Variants in SLC25A48 observed in about 807,000 individuals in gnomAD.
SLC25A48 encodes solute carrier family 25 member 48, also known as CTC-321K16.1.
Under a neutral mutation model 32.2 loss-of-function variants are expected in SLC25A48, and 29 were observed. That is an observed-to-expected ratio of 0.90 (90% CI 0.67 to 1.23). The LOEUF (loss-of-function observed/expected upper bound fraction) is 1.23, where lower values mean the gene tolerates loss of function less well. Among genes scored for constraint, SLC25A48 ranks in the 50% most tolerant of loss-of-function variants. SLC25A48 has a pLI of 0.00. For synonymous variants in SLC25A48, 164 were observed against 172.3 expected (o/e 0.95, Z 0.38); for missense variants, 399 against 422.7 (o/e 0.94, Z 0.49).
chr5:135,711,186 A>C (rs1442032192), intron 3 of SLC25A48, among the ~76,000 whole-genome samples: 13 of 152,224 alleles, frequency 8.5e-5, no homozygotes, highest in African/African-American at 2.9e-4. Flanking sequence ...CCTCTTCTGC[A>C]TGAAGCCATT....
intron 1 of SLC25A48, among the ~76,000 whole-genome samples, chr5:135,838,126 T>G (rs2126688172): frequency 6.6e-6 from 1 of 152,298 alleles, no homozygotes; most frequent in Middle Eastern, 3.4e-3. Context: ...GGAACTGGAA[T>G]AAAGGTGACT....
chr5:135,610,718 C>T (rs537492770), intron 1 of SLC25A48, among the ~76,000 whole-genome samples: 9 of 152,304 alleles, frequency 5.9e-5, no homozygotes, highest in African/African-American at 2.2e-4. Context: ...AACTTCAGTA[C>T]TTGGAATCCT....
intron 3 of SLC25A48, among the ~76,000 whole-genome samples, chr5:135,787,451 GTTA>G (rs1210253731): frequency 6.6e-6 from 1 of 152,034 alleles, no homozygotes; most frequent in Non-Finnish European, 1.5e-5. Flanking sequence ...TACACCCTGT[GTTA>G]TTATTCGTAA....
At chr5:135,759,108 A>G (rs111362308) in intron 3 of SLC25A48, among the ~76,000 whole-genome samples, 37 of 152,174 alleles carry the variant, frequency 2.4e-4, no homozygotes, top group African/African-American at 8.7e-4. Flanking sequence ...ATATTAATAA[A>G]ATATCACCTA....
At chr5:135,842,326 T>A in intron 1 of SLC25A48, 90 bp from the exon 2 acceptor site, 1 of 1,389,188 alleles carries the variant, frequency 7.2e-7, no homozygotes. Context: ...GACCGTTGAC[T>A]AAACAAGTGC....
chr5:135,714,610 T>C (rs901441631), intron 3 of SLC25A48: 3 of 152,282 alleles, frequency 2.0e-5, no homozygotes, highest in African/African-American at 7.2e-5. Context: ...TTAGGTGCCC[T>C]GGCTGCAAAA....
chr5:135,849,413 C>A (rs879645149), intron 2 of SLC25A48, among the ~76,000 whole-genome samples: 4 of 152,084 alleles, frequency 2.6e-5, no homozygotes, highest in Non-Finnish European at 5.9e-5. Context: ...AGAAGTGGAA[C>A]CCTCTAAGAC....
At chr5:135,757,754 G>A (rs1469718620) in intron 3 of SLC25A48, among the ~76,000 whole-genome samples, 4 of 148,072 alleles carry the variant, frequency 2.7e-5, no homozygotes, top group Admixed American at 1.3e-4. Flanking sequence ...TATTAATAAA[G>A]TATCATCTAG....
At chr5:135,731,589 T>C (rs551208544) in intron 3 of SLC25A48, among the ~76,000 whole-genome samples, 15 of 152,094 alleles carry the variant, frequency 9.9e-5, no homozygotes, top group Admixed American at 5.9e-4. Flanking sequence ...TATTGTGGGG[T>C]TGTTAAAAGG....
chr5:135,839,130 G>A (rs907727737), intron 1 of SLC25A48, among the ~76,000 whole-genome samples: 4 of 152,146 alleles, frequency 2.6e-5, no homozygotes, highest in African/African-American at 4.8e-5. Context: ...TTTCTTCCCT[G>A]ATGGTGACCT....
chr5:135,783,990 A>G lies in SLC25A48; in HGVS notation c.-520-28533A>G, dbSNP rs1756779634. Among the ~76,000 whole-genome samples the G allele has an allele frequency of 5.1e-5, 6 of 118,176 alleles. 3 individuals carry two copies. Among genetic ancestry groups the G allele is most frequent in the Admixed American group, 3.5e-4 (4 of 11,578 alleles). The allele number at this position is 118,176 out of a possible 152,430, so 77.5% of individuals were successfully genotyped here. On this transcript the variant is annotated intron_variant, in intron 3 of 10. Coordinates refer to the SLC25A48 transcript ENST00000646290. ...GGAAAAGGATGATATTGCTCCCAAT[A>G]TCGCAGGACGTGTACACTTATCCTG... is the stretch of plus-strand genomic sequence containing the variant.
intron 1 of SLC25A48, among the ~76,000 whole-genome samples, chr5:135,590,384 G>T (rs1457546243): frequency 1.3e-5 from 2 of 152,142 alleles, no homozygotes; most frequent in Non-Finnish European, 2.9e-5. Context: ...CTGCCCATGG[G>T]CCCCCGGCCC....
intron 2 of SLC25A48, among the ~76,000 whole-genome samples, chr5:135,843,563 G>A (rs1759175467): frequency 6.6e-6 from 1 of 152,188 alleles, no homozygotes; most frequent in Non-Finnish European, 1.5e-5. Flanking sequence ...ATAACACAAG[G>A]TGATGGCAAA....
intron 1 of SLC25A48, among the ~76,000 whole-genome samples, chr5:135,603,358 G>A (rs550718316): frequency 2.8e-4 from 42 of 152,344 alleles, no homozygotes; most frequent in Non-Finnish European, 3.5e-4. Context: ...CTTTCATGAG[G>A]TTGAAGGTAA....
At chr5:135,691,607 G>A (rs1371212013) in intron 3 of SLC25A48, among the ~76,000 whole-genome samples, 1 of 152,186 alleles carries the variant, frequency 6.6e-6, no homozygotes, top group Non-Finnish European at 1.5e-5. Context: ...ACTATAACTA[G>A]AAGAGTCCCA....
At chr5:135,593,804 T>C (rs1751582728) in intron 1 of SLC25A48, among the ~76,000 whole-genome samples, 1 of 152,212 alleles carries the variant, frequency 6.6e-6, no homozygotes. Flanking sequence ...ATTAACAAAC[T>C]GAATGACAGA....
At chr5:135,597,790 G>T (rs752997169) in intron 1 of SLC25A48, among the ~76,000 whole-genome samples, 5 of 152,156 alleles carry the variant, frequency 3.3e-5, no homozygotes, top group Non-Finnish European at 5.9e-5. Context: ...GATCACCTGA[G>T]GTCAGGAATT....
chr5:135,810,782 C>T (rs753309542), intron 3 of SLC25A48, among the ~76,000 whole-genome samples: 69 of 152,332 alleles, frequency 4.5e-4, no homozygotes, highest in Non-Finnish European at 7.8e-4. Context: ...TGAACGCCTT[C>T]GCTTTTTATT....
chr5:135,607,425 C>T (rs775389287), intron 1 of SLC25A48, among the ~76,000 whole-genome samples: 1 of 152,170 alleles, frequency 6.6e-6, no homozygotes, highest in Non-Finnish European at 1.5e-5. Flanking sequence ...TCTTCCTACT[C>T]ATGGAATTTC....
Sources: gnomAD v4.1 joint callset for allele counts (sites outside exome capture counted in the v4.1 genomes callset) on GRCh38, gnomAD v4.1.1 for gene constraint, MANE v1.5 for transcripts, NCBI Gene and HGNC (gene_info 2026-07-23, HGNC 2026-07-21) for gene names.